CNTNAP2: variants seen among roughly 807,000 people sequenced by gnomAD.
CNTNAP2 encodes the protein contactin associated protein 2, also known as contactin-associated protein-like 2.
In CNTNAP2, 98 loss-of-function variants were observed where a neutral mutation model predicts 155.2. The ratio of observed to expected loss-of-function variants is 0.63; its 90% CI spans 0.54 to 0.75. The LOEUF (loss-of-function observed/expected upper bound fraction) is 0.75, where lower values mean the gene tolerates loss of function less well. CNTNAP2 is among the 30% of genes least tolerant of loss of function. The pLI, the probability that CNTNAP2 is intolerant of heterozygous loss-of-function variation, is 0.00. For missense variants in CNTNAP2, 1,727 were observed against 1,688.1 expected (o/e 1.02, Z -0.40); for synonymous variants, 651 against 631.2 (o/e 1.03, Z -0.47).
At chr7:148,395,839 A>G (rs1799454574) in intron 22 of CNTNAP2, among the ~76,000 whole-genome samples, 1 of 152,212 alleles carries the variant, frequency 6.6e-6, no homozygotes, top group Non-Finnish European at 1.5e-5. Context: ...CAAAACCGGC[A>G]CAAACATACA....
At chr7:147,106,009 A>G (rs1216920580) in intron 4 of CNTNAP2, among the ~76,000 whole-genome samples, 1 of 151,996 alleles carries the variant, frequency 6.6e-6, no homozygotes, top group African/African-American at 2.4e-5. Flanking sequence ...ATGCATTAAC[A>G]TTTGCGTAAA....
At chr7:147,117,396 G>T (rs578211725) in intron 5 of CNTNAP2, among the ~76,000 whole-genome samples, 38 of 152,228 alleles carry the variant, frequency 2.5e-4, no homozygotes, top group African/African-American at 8.2e-4. Context: ...GGGGTTGGGG[G>T]TTCCCTTGGC....
At chr7:146,353,752 G>A (rs1794956650) in intron 1 of CNTNAP2, among the ~76,000 whole-genome samples, 1 of 151,866 alleles carries the variant, frequency 6.6e-6, no homozygotes, top group African/African-American at 2.4e-5. Flanking sequence ...ACTGGGATTT[G>A]CAACCTCTTA....
intron 1 of CNTNAP2, among the ~76,000 whole-genome samples, chr7:146,579,493 A>G (rs1798577567): frequency 6.6e-6 from 1 of 152,102 alleles, no homozygotes; most frequent in South Asian, 2.1e-4. Context: ...AGTTAACGTT[A>G]TGGTCAATAG....
intron 13 of CNTNAP2, among the ~76,000 whole-genome samples, chr7:147,825,550 G>A (rs1194990317): frequency 1.3e-5 from 2 of 152,166 alleles, no homozygotes; most frequent in African/African-American, 4.8e-5. Context: ...ACTGATGTAT[G>A]ATAATAGTAT....
At chr7:146,781,198 A>T (rs1339646768) in intron 2 of CNTNAP2, among the ~76,000 whole-genome samples, 1 of 146,692 alleles carries the variant, frequency 6.8e-6, no homozygotes, top group African/African-American at 2.5e-5. Flanking sequence ...ACTACACTCC[A>T]GCCTGGGTGA....
chr7:147,886,083 C>T (rs376594490), intron 13 of CNTNAP2, among the ~76,000 whole-genome samples: 2 of 152,114 alleles, frequency 1.3e-5, no homozygotes, highest in South Asian at 2.1e-4. Context: ...GCTGCAGCAC[C>T]CTAAGAGGTG....
At chr7:147,826,696 C>G (rs930735075) in intron 13 of CNTNAP2, among the ~76,000 whole-genome samples, 8 of 152,042 alleles carry the variant, frequency 5.3e-5, no homozygotes, top group African/African-American at 1.9e-4. Flanking sequence ...CAAGCTATTT[C>G]AACAGATAGA....
At chr7:147,212,256 G>T (rs964812537) in intron 8 of CNTNAP2, among the ~76,000 whole-genome samples, 18 of 152,034 alleles carry the variant, frequency 1.2e-4, no homozygotes, top group African/African-American at 4.3e-4. Context: ...ATATCCAAAA[G>T]AAAACATATC....
At position 146,468,893 on chromosome 7, in the gene CNTNAP2, C is replaced by A. The variant is rs1246533752; in HGVS notation, c.98-305378C>A. 5.9e-5 allele frequency among the ~76,000 whole-genome samples: 9 copies of A among 151,954 alleles called. No homozygotes were observed. In the East Asian group the frequency reaches 1.4e-3, roughly 23 times the overall value. Reference sequence around the variant, plus strand: ...CAAATTAAATGTTAGTCTCTAGAACCTGATAATATGTCTAAATACTGAAGA... The same window carrying A: ...CAAATTAAATGTTAGTCTCTAGAACATGATAATATGTCTAAATACTGAAGA... On this transcript the variant is annotated intron_variant, in intron 1 of 23. Transcript: ENST00000361727.
intron 3 of CNTNAP2, among the ~76,000 whole-genome samples, chr7:147,015,126 T>G (rs1798696698): frequency 6.6e-6 from 1 of 151,966 alleles, no homozygotes; most frequent in East Asian, 1.9e-4. Context: ...AGAGTATATT[T>G]TTAGGCAGTT....
chr7:148,173,168 A>G (rs1361425878), intron 18 of CNTNAP2, among the ~76,000 whole-genome samples: 5 of 152,306 alleles, frequency 3.3e-5, no homozygotes, highest in African/African-American at 1.2e-4. Flanking sequence ...CCCAATGCAT[A>G]TGCATGTTAT....
chr7:147,284,222 A>G (rs1429334250), intron 8 of CNTNAP2, among the ~76,000 whole-genome samples: 4 of 151,728 alleles, frequency 2.6e-5, no homozygotes, highest in African/African-American at 7.3e-5. Flanking sequence ...TCTATGGCAC[A>G]TGAATGTATT....
chr7:148,038,148 A>G (rs1020469347), intron 15 of CNTNAP2, among the ~76,000 whole-genome samples: 4 of 152,216 alleles, frequency 2.6e-5, no homozygotes, highest in African/African-American at 9.6e-5. Flanking sequence ...AAACCTTTCC[A>G]TATCTTCTTA....
At chr7:146,849,661 ATAAAT>A (rs1367116891) in intron 3 of CNTNAP2, among the ~76,000 whole-genome samples, 2 of 152,216 alleles carry the variant, frequency 1.3e-5, no homozygotes, top group Admixed American at 6.5e-5. Context: ...TTTGTGAGAA[ATAAAT>A]TAATCAAAAA....
At chr7:148,013,254 A>G (rs879153189) in intron 15 of CNTNAP2, 8 of 152,348 alleles carry the variant, frequency 5.3e-5, no homozygotes, top group Admixed American at 4.6e-4. Context: ...TCCATGCAGA[A>G]TAAATAGTAG....
intron 10 of CNTNAP2, among the ~76,000 whole-genome samples, chr7:147,399,113 T>C (rs1259136069): frequency 4.6e-5 from 7 of 152,066 alleles, no homozygotes; most frequent in Non-Finnish European, 2.9e-5. Flanking sequence ...ACTTGCATGA[T>C]CCAGGATCAG....
intron 3 of CNTNAP2, among the ~76,000 whole-genome samples, chr7:147,013,474 C>G (rs1450302464): frequency 6.6e-6 from 1 of 152,040 alleles, no homozygotes; most frequent in Non-Finnish European, 1.5e-5. Context: ...AATATACTGT[C>G]CCTAAAAACT....
At position 147,886,829 on chromosome 7, in the gene CNTNAP2, A is replaced by C. The variant is rs1052862552; in HGVS notation, c.2099-16736A>C. ...AGTGTTCATTTCCCCCAAAATTAAC[A>C]CTCTCCTACTGACATTTCTTTCAAA... On this transcript the variant is annotated intron_variant, in intron 13 of 23. Coordinates refer to ENST00000361727, the MANE Select transcript of CNTNAP2 (RefSeq NM_014141.6). Among the ~76,000 whole-genome samples, 6 of 151,990 alleles carry C rather than the reference A, an allele frequency of 3.9e-5. No homozygotes were observed. In the East Asian group the frequency reaches 9.7e-4, roughly 24 times the overall value.
Sources: gnomAD v4.1 joint callset for allele counts (sites outside exome capture counted in the v4.1 genomes callset) on GRCh38, gnomAD v4.1.1 for gene constraint, MANE v1.5 for transcripts, NCBI Gene and HGNC (gene_info 2026-07-23, HGNC 2026-07-21) for gene names.